The following SIPA1L1 variants were observed in gnomAD, a reference collection of about 807,000 sequenced individuals.
The protein encoded by SIPA1L1 is signal induced proliferation associated 1 like 1, also known as signal-induced proliferation-associated 1-like protein 1.
In SIPA1L1, 26 loss-of-function variants were observed where a neutral mutation model predicts 162.7. That is an observed-to-expected ratio of 0.16 (90% CI 0.12 to 0.22). SIPA1L1 has a LOEUF of 0.22. SIPA1L1 is among the 10% of genes least tolerant of loss of function. The probability of loss-of-function intolerance (pLI) is 1.00; values close to 1 mark genes in which losing one functional copy is unlikely to be tolerated. For synonymous variants in SIPA1L1, 829 were observed against 837.4 expected (o/e 0.99, Z 0.17); for missense variants, 1,874 against 2,241.0 (o/e 0.84, Z 3.31).
chr14:71,663,045 G>A (rs969614384), intron 10 of SIPA1L1, among the ~76,000 whole-genome samples: 1 of 152,160 alleles, frequency 6.6e-6, no homozygotes. Context: ...TTCTTTTCAA[G>A]CCTTTGTCTG....
chr14:71,330,726 C>G, intron 2 of SIPA1L1: 2 of 861,896 alleles, frequency 2.3e-6, no homozygotes, highest in South Asian at 2.6e-5. Context: ...GGAAAACCAC[C>G]GGGTAGTCAT....
At chr14:71,444,354 A>T (rs947083036) in intron 2 of SIPA1L1, among the ~76,000 whole-genome samples, 1 of 152,226 alleles carries the variant, frequency 6.6e-6, no homozygotes, top group African/African-American at 2.4e-5. Context: ...CAATCAAATT[A>T]GCATTCACTC....
intron 2 of SIPA1L1, among the ~76,000 whole-genome samples, chr14:71,391,542 A>G: frequency 6.6e-6 from 1 of 152,242 alleles, no homozygotes; most frequent in Admixed American, 6.5e-5. Flanking sequence ...TCATATGAAC[A>G]AGAATTAGGT....
chr14:71,564,918 A>G (rs1159652158), intron 4 of SIPA1L1, among the ~76,000 whole-genome samples: 2 of 151,948 alleles, frequency 1.3e-5, no homozygotes, highest in Admixed American at 6.6e-5. Flanking sequence ...TTAATTCCTC[A>G]CTTAAAGGTA....
chr14:71,337,514 AAG>A (rs779955921), intron 2 of SIPA1L1, among the ~76,000 whole-genome samples: 23 of 152,312 alleles, frequency 1.5e-4, no homozygotes, highest in Admixed American at 2.6e-4. Context: ...GGCAGCAGGC[AAG>A]AGAGCATGTC....
chr14:71,689,018 T>G (rs2081069285), intron 13 of SIPA1L1, among the ~76,000 whole-genome samples: 1 of 152,240 alleles, frequency 6.6e-6, no homozygotes, highest in African/African-American at 2.4e-5. Flanking sequence ...ACAGTCCATT[T>G]TGGGTGAAAA....
At chr14:71,446,892 C>CTTTTTTTTTT (rs2045390917) in intron 2 of SIPA1L1, among the ~76,000 whole-genome samples, 1 of 99,578 alleles carries the variant, frequency 1.0e-5, no homozygotes, top group Non-Finnish European at 1.9e-5. Flanking sequence ...GAGATGGGCT[C>CTTTTTTTTTT]TGTTTTTTTT....
intron 2 of SIPA1L1, among the ~76,000 whole-genome samples, chr14:71,374,117 A>G (rs2039152763): frequency 6.6e-6 from 1 of 152,304 alleles, no homozygotes; most frequent in African/African-American, 2.4e-5. Context: ...GCCTGTGATC[A>G]TGTTTAGAAG....
At chr14:71,735,975 T>G (rs1394453664) in intron 22 of SIPA1L1, among the ~76,000 whole-genome samples, 1 of 152,204 alleles carries the variant, frequency 6.6e-6, no homozygotes, top group African/African-American at 2.4e-5. Flanking sequence ...AGTTTCAAAA[T>G]GGTGAGGTTG....
intron 15 of SIPA1L1, among the ~76,000 whole-genome samples, chr14:71,703,788 C>T (rs568318064): frequency 2.1e-4 from 32 of 152,250 alleles, no homozygotes; most frequent in African/African-American, 7.5e-4. Context: ...CTCCCACTCT[C>T]GGGAAGTCAC....
chr14:71,375,398 C>G (rs754590221), intron 2 of SIPA1L1, among the ~76,000 whole-genome samples: 11 of 152,148 alleles, frequency 7.2e-5, no homozygotes, highest in Non-Finnish European at 1.6e-4. Context: ...TAATTGTCTG[C>G]TACTAATATG....
chr14:71,705,083 C>T (rs1311610284), intron 15 of SIPA1L1, 139 bp from the exon 16 acceptor site: 1 of 689,498 alleles, frequency 1.5e-6, no homozygotes, highest in East Asian at 2.5e-5. Context: ...ATCAAATAGA[C>T]TCTTAACAAG....
chr14:71,695,192 G>A (rs1438072477), intron 13 of SIPA1L1, among the ~76,000 whole-genome samples: 1 of 152,178 alleles, frequency 6.6e-6, no homozygotes, highest in Non-Finnish European at 1.5e-5. Context: ...ATCAGAATAA[G>A]GGCTAATTCT....
intron 2 of SIPA1L1, among the ~76,000 whole-genome samples, chr14:71,384,842 T>G (rs747523912): frequency 6.6e-6 from 1 of 152,212 alleles, no homozygotes; most frequent in Non-Finnish European, 1.5e-5. Flanking sequence ...GACTGTCTCC[T>G]TCAGATCGGT....
At chr14:71,503,038 A>G (rs1162485424) in intron 2 of SIPA1L1, among the ~76,000 whole-genome samples, 1 of 152,214 alleles carries the variant, frequency 6.6e-6, no homozygotes, top group Non-Finnish European at 1.5e-5. Flanking sequence ...ATGATGTAAC[A>G]TGAAATTTTG....
At chr14:71,355,730 A>T (rs2037177913) in intron 2 of SIPA1L1, among the ~76,000 whole-genome samples, 1 of 152,214 alleles carries the variant, frequency 6.6e-6, no homozygotes, top group Non-Finnish European at 1.5e-5. Context: ...ATATAAGGGA[A>T]GGTTCGAAGT....
chr14:71,381,152 A>C (rs1403195141), intron 2 of SIPA1L1, among the ~76,000 whole-genome samples: 1 of 152,154 alleles, frequency 6.6e-6, no homozygotes, highest in African/African-American at 2.4e-5. Context: ...TCCCGGGTTC[A>C]AGTGATTCTC....
Position 71,713,807 on chromosome 14 carries a change from A to G in SIPA1L1, c.4208+4143A>G, listed in dbSNP as rs1237289779. Among the ~76,000 whole-genome samples the G allele has an allele frequency of 5.9e-5, 9 of 151,880 alleles. 1 individual carries two copies. In the South Asian group the frequency reaches 1.7e-3, roughly 28 times the overall value. On this transcript the variant is annotated intron_variant, in intron 17 of 23. Transcript: ENST00000381232. ...TATGGATGTGAGAAATATGCCTTCC[A>G]TCTTTGTTTAGAAGTTACTCCGTTG...
chr14:71,583,930 T>C (rs1215872249), intron 4 of SIPA1L1, among the ~76,000 whole-genome samples: 1 of 152,122 alleles, frequency 6.6e-6, no homozygotes, highest in Non-Finnish European at 1.5e-5. Flanking sequence ...TATTCTGCCT[T>C]TGTTCAGCTG....
Sources: gnomAD v4.1 joint callset for allele counts (sites outside exome capture counted in the v4.1 genomes callset) on GRCh38, gnomAD v4.1.1 for gene constraint, MANE v1.5 for transcripts, NCBI Gene and HGNC (gene_info 2026-07-23, HGNC 2026-07-21) for gene names.